SLC12A7: variants seen among roughly 807,000 people sequenced by gnomAD.
The protein encoded by SLC12A7 is K-Cl cotransporter 4.
In SLC12A7, 100 loss-of-function variants were observed where a neutral mutation model predicts 120.6. The observed-to-expected ratio is 0.83, with a 90% CI of 0.71 to 0.98. The LOEUF (loss-of-function observed/expected upper bound fraction) is 0.98. SLC12A7 is among the 50% of genes least tolerant of loss of function. The pLI, the probability that SLC12A7 is intolerant of heterozygous loss-of-function variation, is 0.00. For missense variants in SLC12A7, 1,373 were observed against 1,548.1 expected, an observed-to-expected ratio of 0.89 and a Z score of 1.90; for synonymous variants, 760 against 678.0, an observed-to-expected ratio of 1.12 and a Z score of -1.88.
chr5:1,097,629 C>T (rs1741402166), intron 1 of SLC12A7, among the ~76,000 whole-genome samples: 1 of 152,200 alleles, frequency 6.6e-6, no homozygotes, highest in African/African-American at 2.4e-5. Flanking sequence ...CGACTCTGTC[C>T]TTCTGCTGCT....
chr5:1,129,484 C>T, the SLC12A7 span, among the ~76,000 whole-genome samples: 135 of 152,238 alleles, frequency 8.9e-4, no homozygotes, highest in African/African-American at 3.2e-3. Context: ...GGCGCCCTCC[C>T]CTCCTGGCCC....
chr5:1,111,384 G>T (rs1459818441), intron 1 of SLC12A7, among the ~76,000 whole-genome samples: 1 of 152,174 alleles, frequency 6.6e-6, no homozygotes, highest in Non-Finnish European at 1.5e-5. Flanking sequence ...CCTCTGGGGG[G>T]TGGGCGGCTC....
upstream of SLC12A7, among the ~76,000 whole-genome samples, chr5:1,112,673 A>AC (rs1447291677): frequency 3.0e-5 from 2 of 65,614 alleles, no homozygotes; most frequent in Non-Finnish European, 2.8e-5. Flanking sequence ...ATCCTCCAGC[A>AC]CCCACCTCCC....
rs370295662 is a variant in SLC12A7, at chr5:1,057,461, G to C, written c.3026+10C>G. On this transcript the variant is annotated intron_variant, in intron 22 of 23. Transcript: ENST00000264930. The stretch of plus-strand genomic sequence containing the variant: ...TCTGTTCCCCCCAGGCCACACGCAC[G>C]GACACTCACGGCTTCATGCTGAAGA... The C allele has an allele frequency of 2.5e-6, 4 of 1,604,756 alleles. No individual in the cohort carries two copies. Among genetic ancestry groups the C allele is most frequent in the Non-Finnish European group, 3.4e-6 (4 of 1,177,074 alleles).
At chr5:1,077,336 G>C (rs1265672368) in intron 12 of SLC12A7, among the ~76,000 whole-genome samples, 1 of 152,210 alleles carries the variant, frequency 6.6e-6, no homozygotes, top group Non-Finnish European at 1.5e-5. Context: ...CCTTCCCACA[G>C]CTGCCCCTGG....
chr5:1,065,447 G>A lies in SLC12A7; in HGVS notation c.2273C>T (p.Thr758Ile), dbSNP rs1286210522. The part of the protein sequence containing the change: ...NIRSLMSTEK[T>I]KGFCQLVVSS... ...GACCACCAGCTGGCAGAAGCCCTTG[G>A]TCTTCTCTGTGCTCATTAGGGACCG... is the stretch of plus-strand genomic sequence containing the variant. The change falls in exon 18 of 24, where the codon ACC becomes ATC. Residue 758 changes from threonine to isoleucine, a missense_variant. Physicochemically the swap from Thr to Ile is moderately conservative, Grantham distance 89. Coordinates refer to ENST00000264930, the MANE Select transcript of SLC12A7 (RefSeq NM_006598.3). The A allele has an allele frequency of 9.3e-6, 15 of 1,609,364 alleles. No individual in the cohort carries two copies. The highest frequency in any genetic ancestry group is 1.3e-5 in the Non-Finnish European group (15 of 1,177,890).
chr5:1,057,673 G>T (rs756943717), intron 21 of SLC12A7, 24 bp from the exon 22 acceptor site: 12 of 1,576,352 alleles, frequency 7.6e-6, no homozygotes, highest in African/African-American at 1.4e-5. Context: ...GACTTGGTGA[G>T]ACCAGCCGGT....
chr5:1,079,301 T>C (rs1482585903), intron 10 of SLC12A7, 97 bp downstream of exon 10: 1 of 934,814 alleles, frequency 1.1e-6, no homozygotes, highest in African/African-American at 1.6e-5. Context: ...GGAAGTCACA[T>C]GCTGGTGGCC....
upstream of SLC12A7, among the ~76,000 whole-genome samples, chr5:1,112,302 A>G (rs1266130818): frequency 7.7e-5 from 2 of 26,052 alleles, no homozygotes. Flanking sequence ...CTCCTGCTCC[A>G]GCCCCCTGCC....
chr5:1,110,836 C>T lies in SLC12A7; in HGVS notation c.124+1032G>A, dbSNP rs571144044. 1.2e-4 allele frequency among the ~76,000 whole-genome samples: 19 copies of T among 152,348 alleles called. No homozygotes were observed. In the East Asian group the frequency reaches 3.5e-3, roughly 28 times the overall value. On this transcript the variant is annotated intron_variant, in intron 1 of 23. Transcript: ENST00000264930. The stretch of plus-strand genomic sequence containing the variant: ...TCGCCCGCCACGGGGACCCTGATGA[C>T]GCACCCCAGGCCACCAGGCCACTGC...
At chr5:1,061,316 C>T (rs1221266291) in intron 20 of SLC12A7, among the ~76,000 whole-genome samples, 1 of 12,624 alleles carries the variant, frequency 7.9e-5, no homozygotes, top group African/African-American at 8.5e-5. Flanking sequence ...ACCCGCCGCA[C>T]CCGCCGTGCG....
Position 1,051,928 on chromosome 5 carries a change from CCTT to C in SLC12A7, c.*429_*431del, listed in dbSNP as rs1014202852. 116 of 187,892 alleles carry C rather than the reference CCTT, an allele frequency of 6.2e-4. No individual in the cohort carries two copies. Among genetic ancestry groups the C allele is most frequent in the Non-Finnish European group, 1.1e-3 (103 of 91,158 alleles). 11.6% of individuals were successfully genotyped at this position (187,892 alleles called of 1,614,324 possible). On this transcript the variant is annotated 3_prime_UTR_variant, in exon 24 of 24. Transcript: ENST00000264930. ...AGCCATGGCCAGGGCTGACGTTTCA[CCTT>C]CATCATCAGGGACAGCTTCAGCTCC... is the stretch of plus-strand genomic sequence containing the variant.
intron 8 of SLC12A7, among the ~76,000 whole-genome samples, chr5:1,082,264 G>C (rs1417319109): frequency 2.0e-5 from 3 of 150,554 alleles, no homozygotes; most frequent in Admixed American, 6.6e-5. Flanking sequence ...TAGGGTTCTG[G>C]AAAGTCCGGG....
At chr5:1,054,196 A>G (rs979396189) in intron 22 of SLC12A7, among the ~76,000 whole-genome samples, 1 of 152,158 alleles carries the variant, frequency 6.6e-6, no homozygotes, top group Non-Finnish European at 1.5e-5. Flanking sequence ...AAGCACTTCC[A>G]CCGTGTGGCC....
chr5:1,101,562 G>A (rs1038022965), intron 1 of SLC12A7, among the ~76,000 whole-genome samples: 3 of 152,244 alleles, frequency 2.0e-5, no homozygotes, highest in East Asian at 1.9e-4. Flanking sequence ...CCATGAAGGC[G>A]GCGAGGTCAA....
At chr5:1,078,875 C>A in intron 10 of SLC12A7, 117 bp from the exon 11 acceptor site, 1 of 749,880 alleles carries the variant, frequency 1.3e-6, no homozygotes, top group Admixed American at 2.1e-5. Flanking sequence ...GCCGCAGGAT[C>A]CAGGTGGGCG....
rs575065029 is a variant in SLC12A7, at chr5:1,097,898, C to G, written c.125-3650G>C. ...TGGTCTCTACGGAGGCCACAGCAAG[C>G]GTGCTCTCAGCAGGATGGAAGTGCC... On this transcript the variant is annotated intron_variant, in intron 1 of 23. Transcript: ENST00000264930. Among the ~76,000 whole-genome samples, 13 of 151,964 alleles carry G rather than the reference C, an allele frequency of 8.6e-5. No individual in the cohort carries two copies. The South Asian group carries it at 2.1e-3, about 24-fold the overall frequency.
At chr5:1,115,894 G>A (rs142744288), upstream of SLC12A7, among the ~76,000 whole-genome samples, 61 of 152,066 alleles carry the variant, frequency 4.0e-4, 2 homozygotes, top group East Asian at 0.012. Context: ...GGGAAGGGAG[G>A]CCCCAGTTAC....
At chr5:1,149,116 T>G in the SLC12A7 span, among the ~76,000 whole-genome samples, 5 of 137,738 alleles carry the variant, frequency 3.6e-5, no homozygotes, top group East Asian at 1.0e-3. Flanking sequence ...GAAGGGGGAC[T>G]GTGGATCCTA....
Sources: allele counts gnomAD v4.1 joint callset (sites outside exome capture counted in the v4.1 genomes callset), GRCh38; gene constraint gnomAD v4.1.1; transcripts MANE v1.5; gene names NCBI Gene and HGNC (gene_info 2026-07-23, HGNC 2026-07-21).